Variants in RAB40B observed in about 807,000 individuals in gnomAD.
The protein encoded by RAB40B is RAB40B, member RAS oncogene family.
Under a neutral mutation model 24.0 loss-of-function variants are expected in RAB40B, and 21 were observed. The ratio of observed to expected loss-of-function variants is 0.88; its 90% CI spans 0.62 to 1.26. The LOEUF (loss-of-function observed/expected upper bound fraction) is 1.26. Ranked by LOEUF, RAB40B falls within the 50% of genes most tolerant of loss-of-function variation. RAB40B has a pLI of 0.00. For missense variants in RAB40B, 348 were observed against 390.5 expected (o/e 0.89, Z 0.92); for synonymous variants, 167 against 169.8 (o/e 0.98, Z 0.13).
In RAB40B at chr17:82,675,470, C is replaced by A. The variant is rs562320383; in HGVS notation, c.143-10914G>T. On this transcript the variant is annotated intron_variant, in intron 1 of 5. Transcript: ENST00000571995. This position sits in a 1 kb window ranked among gnomAD's most constrained non-coding sequence, Gnocchi z 4.5. ...GCTCCCGTGGATGGCACTCCCTTTACCCCATACTTCAGAACTGGGGGTGGG... is the reference window on the plus strand; with the variant it reads ...GCTCCCGTGGATGGCACTCCCTTTAACCCATACTTCAGAACTGGGGGTGGG... Among the ~76,000 whole-genome samples, 9 of 152,224 alleles carry A rather than the reference C, an allele frequency of 5.9e-5. No individual in the cohort carries two copies. Among genetic ancestry groups the A allele is most frequent in the Non-Finnish European group, 8.8e-5 (6 of 68,046 alleles).
chr17:82,668,146 A>G (rs2046280827), intron 1 of RAB40B: 1 of 154,470 alleles, frequency 6.5e-6, no homozygotes. Context: ...CGTCCTGACA[A>G]GTGTTCAGCT....
Position 82,656,246 on chromosome 17 carries a change from G to A in RAB40B, c.*1617C>T, listed in dbSNP as rs1278593547. ...CAGGTGTGAGCCATCACACCCAGCT[G>A]GGTCCCTTAAGTTTCTAAGAATCTA... On this transcript the variant is annotated 3_prime_UTR_variant, in exon 6 of 6. Transcript: ENST00000571995. 6.6e-6 allele frequency: 1 copy of A among 152,006 alleles called. No individual in the cohort carries two copies. Among genetic ancestry groups the A allele is most frequent in the Non-Finnish European group, 1.5e-5 (1 of 68,022 alleles). 9.4% of individuals were successfully genotyped at this position (152,006 alleles called of 1,614,324 possible).
chr17:82,660,919 AGTTAAGCATTGTAAAT>A (rs2046163909), intron 3 of RAB40B, 52 bp downstream of exon 3: 1 of 1,537,636 alleles, frequency 6.5e-7, no homozygotes, highest in Non-Finnish European at 9.0e-7. Flanking sequence ...AAGGATGGTA[AGTTAAGCATTGTAAAT>A]GTTATTATTC....
intron 5 of RAB40B, 70 bp from the exon 6 acceptor site, chr17:82,658,204 C>T: frequency 1.3e-6 from 2 of 1,552,194 alleles, no homozygotes; most frequent in Non-Finnish European, 1.7e-6. Flanking sequence ...GGGTGGTGCC[C>T]ACACCTGTTC....
chr17:82,662,644 T>C (rs1436880411), intron 2 of RAB40B: 15 of 985,054 alleles, frequency 1.5e-5, no homozygotes, highest in Non-Finnish European at 1.8e-5. Flanking sequence ...GACGACAGTG[T>C]GGACAGAGCT....
chr17:82,698,049 G>T (rs565749182), intron 1 of RAB40B, among the ~76,000 whole-genome samples: 39 of 150,012 alleles, frequency 2.6e-4, no homozygotes, highest in South Asian at 1.7e-3. Flanking sequence ...GGCCGAACGC[G>T]CACTTGCGGA....
At chr17:82,672,180 T>A (rs1161121816) in intron 1 of RAB40B, among the ~76,000 whole-genome samples, 35 of 25,316 alleles carry the variant, frequency 1.4e-3, no homozygotes, top group African/African-American at 6.1e-3. Flanking sequence ...TAACACACAC[T>A]CACATGCTCC....
In RAB40B at chr17:82,671,424, A is replaced by ACG. The variant is rs1365231211; in HGVS notation, c.143-6869_143-6868insCG. Among the ~76,000 whole-genome samples the ACG allele has an allele frequency of 1.1e-4, 15 of 140,518 alleles. 1 individual carries two copies. Among genetic ancestry groups the ACG allele is most frequent in the South Asian group, 2.4e-4 (1 of 4,152 alleles). The allele number at this position is 140,518 out of a possible 152,430, so 92.2% of individuals were successfully genotyped here. ...ACACACTTCACCCTGTAACTCTAAC[A>ACG]CACACACGCTCCCTGTACTAACTGA... On this transcript the variant is annotated intron_variant, in intron 1 of 5. Transcript: ENST00000571995.
Position 82,657,917 on chromosome 17 carries a change from G to GCGGGGGGGGGGC in RAB40B, c.782_783insGCCCCCCCCCCG (p.Pro263_Gln264insProArgProPro). 9.7e-7 allele frequency: 1 copy of GCGGGGGGGGGGC among 1,026,050 alleles called. No individual in the cohort carries two copies. Among genetic ancestry groups the GCGGGGGGGGGGC allele is most frequent in the Non-Finnish European group, 1.5e-6 (1 of 685,578 alleles). 63.6% of individuals were successfully genotyped at this position (1,026,050 alleles called of 1,614,324 possible). ...AGTTTTTGGGGGGGCTCTGGGGGGGGCGGACGAGCTTCACTTTGCGGAGGC... is the reference window on the plus strand; with the variant it reads ...AGTTTTTGGGGGGGCTCTGGGGGGGGCGGGGGGGGGGCCGGACGAGCTTCACTTTGCGGAGGC... On this transcript the variant is annotated inframe_insertion, in exon 6 of 6. Transcript: ENST00000571995.
chr17:82,689,797 T>C (rs1335765195), intron 1 of RAB40B, among the ~76,000 whole-genome samples: 1 of 151,898 alleles, frequency 6.6e-6, no homozygotes, highest in African/African-American at 2.4e-5. Context: ...TGAAACCCCG[T>C]CTCCACTAAA....
intron 2 of RAB40B, among the ~76,000 whole-genome samples, chr17:82,661,670 C>T (rs1192442834): frequency 6.6e-6 from 1 of 152,038 alleles, no homozygotes; most frequent in Admixed American, 6.5e-5. Flanking sequence ...GCGGATCACC[C>T]GAGGTCAGGA....
intron 1 of RAB40B, among the ~76,000 whole-genome samples, chr17:82,679,576 C>T (rs1427825465): frequency 1.3e-5 from 2 of 152,196 alleles, no homozygotes; most frequent in African/African-American, 2.4e-5. Flanking sequence ...TGCGCCCGGC[C>T]GCCACAAGCC....
intron 1 of RAB40B, among the ~76,000 whole-genome samples, chr17:82,682,321 C>G (rs749642194): frequency 6.6e-6 from 1 of 151,878 alleles, no homozygotes; most frequent in Non-Finnish European, 1.5e-5. Context: ...GTACAGTAGC[C>G]CCCAAACCAT....
At position 82,692,978 on chromosome 17, in the gene RAB40B, G is replaced by A. The variant is rs1038589526; in HGVS notation, c.142+5477C>T. 3.3e-5 allele frequency among the ~76,000 whole-genome samples: 5 copies of A among 151,966 alleles called. No homozygotes were observed. The highest frequency in any genetic ancestry group is 1.2e-4 in the African/African-American group (5 of 41,366). The stretch of plus-strand genomic sequence containing the variant: ...ATGAAAAAACAGACATAAGACTTGG[G>A]CATTTTTCTTCTTTCTGTTTCTATT... On this transcript the variant is annotated intron_variant, in intron 1 of 5. Coordinates refer to ENST00000571995, the MANE Select transcript of RAB40B (RefSeq NM_006822.3). This position sits in a 1 kb window ranked among gnomAD's most constrained non-coding sequence, Gnocchi z 4.0.
At chr17:82,664,805 A>G (rs1470134532) in intron 1 of RAB40B, 5 of 452,084 alleles carry the variant, frequency 1.1e-5, no homozygotes, top group African/African-American at 2.0e-5. Flanking sequence ...ACCCTGGCCC[A>G]GGGGGCTCCC....
rs1433897056 is a variant in RAB40B, at chr17:82,674,596, G to A, written c.143-10040C>T. Among the ~76,000 whole-genome samples, 10 of 149,694 alleles carry A rather than the reference G, an allele frequency of 6.7e-5. 1 individual carries two copies. The highest frequency in any genetic ancestry group is 8.9e-5 in the Non-Finnish European group (6 of 67,530). On this transcript the variant is annotated intron_variant, in intron 1 of 5. Coordinates refer to ENST00000571995, the MANE Select transcript of RAB40B (RefSeq NM_006822.3). ...GGAGCTTGCAGTGAGCCGAGATCGC[G>A]CCACTGCACTCCAGCCTGGGCGACA...
At chr17:82,693,544 C>T (rs189485446) in intron 1 of RAB40B, among the ~76,000 whole-genome samples, 11 of 152,274 alleles carry the variant, frequency 7.2e-5, no homozygotes, top group Middle Eastern at 6.8e-3. Flanking sequence ...TGATACCCAG[C>T]GATTCACACG....
chr17:82,681,757 C>T (rs1378199313), intron 1 of RAB40B, among the ~76,000 whole-genome samples: 2 of 152,060 alleles, frequency 1.3e-5, no homozygotes, highest in Non-Finnish European at 2.9e-5. Context: ...CAATTTATCA[C>T]ATCAATAAAT....
chr17:82,660,996 C>A lies in RAB40B; in HGVS notation c.255G>T (p.Arg85=), dbSNP rs1280165732. Residue 85 remains arginine (R), a synonymous_variant, in exon 3 of 6, where the codon CGG becomes CGT. Coordinates refer to ENST00000571995, the MANE Select transcript of RAB40B (RefSeq NM_006822.3). ...GGGGATGCTGTGTTACCTGTGCGCCCCGGGAGTAGGAGCGGAATATGGTAC... is the reference window on the plus strand; with the variant it reads ...GGGGATGCTGTGTTACCTGTGCGCCACGGGAGTAGGAGCGGAATATGGTAC... ...RFCTIFRSYS[R]GAQGVILVYD... The A allele has an allele frequency of 6.2e-7, 1 of 1,614,038 alleles. No homozygotes were observed. Among genetic ancestry groups the A allele is most frequent in the Admixed American group, 1.7e-5 (1 of 60,024 alleles).
Sources: gnomAD v4.1 joint callset for allele counts (sites outside exome capture counted in the v4.1 genomes callset) on GRCh38, gnomAD v4.1.1 for gene constraint, Gnocchi (gnomAD v3.1) non-coding constraint, MANE v1.5 for transcripts, NCBI Gene and HGNC (gene_info 2026-07-23, HGNC 2026-07-21) for gene names.